Variants in SLC10A7 observed in about 807,000 individuals in gnomAD.
SLC10A7 encodes sodium/bile acid cotransporter 7.
A neutral mutation model predicts 43.2 loss-of-function variants in SLC10A7; 29 were observed. The observed-to-expected ratio is 0.67, with a 90% CI of 0.50 to 0.92. SLC10A7 has a LOEUF of 0.92. SLC10A7 is among the 40% of genes least tolerant of loss of function. The pLI is 0.00. For synonymous variants in SLC10A7, 152 were observed against 144.8 expected (o/e 1.05, Z -0.35); for missense variants, 295 against 403.2 (o/e 0.73, Z 2.30).
chr4:146,345,459 T>C (rs1734555969), intron 5 of SLC10A7, among the ~76,000 whole-genome samples: 1 of 152,148 alleles, frequency 6.6e-6, no homozygotes, highest in South Asian at 2.1e-4. Context: ...TTCCATCTTT[T>C]TCCATTCTCC....
At chr4:146,261,834 C>T (rs1254151904) in intron 10 of SLC10A7, among the ~76,000 whole-genome samples, 8 of 152,136 alleles carry the variant, frequency 5.3e-5, no homozygotes, top group African/African-American at 1.9e-4. Context: ...CTTTCATGTA[C>T]CCTCTCTATG....
chr4:146,399,733 G>C (rs975213580), intron 5 of SLC10A7, among the ~76,000 whole-genome samples: 1 of 152,138 alleles, frequency 6.6e-6, no homozygotes, highest in East Asian at 1.9e-4. Flanking sequence ...GTAACGGGGA[G>C]AGGCATTCAC....
At chr4:146,429,112 G>T (rs1157485295) in intron 5 of SLC10A7, among the ~76,000 whole-genome samples, 1 of 152,010 alleles carries the variant, frequency 6.6e-6, no homozygotes, top group African/African-American at 2.4e-5. Context: ...TCAACACTGT[G>T]AATATAAGGC....
chr4:146,514,161 T>G (rs1443018915), intron 2 of SLC10A7: 1 of 152,192 alleles, frequency 6.6e-6, no homozygotes, highest in East Asian at 1.9e-4. Flanking sequence ...ACAGCACACA[T>G]CTAAAGTTTA....
chr4:146,330,526 T>A (rs1273596075), intron 5 of SLC10A7, among the ~76,000 whole-genome samples: 5 of 152,162 alleles, frequency 3.3e-5, no homozygotes, highest in African/African-American at 1.2e-4. Flanking sequence ...TCTGTCTCCC[T>A]CACGTCCTTA....
At chr4:146,435,216 A>G (rs1242793120) in intron 5 of SLC10A7, among the ~76,000 whole-genome samples, 1 of 152,204 alleles carries the variant, frequency 6.6e-6, no homozygotes, top group African/African-American at 2.4e-5. Context: ...TAAATTGTTT[A>G]CTTGAAATCC....
chr4:146,491,992 C>T (rs1054531434), intron 4 of SLC10A7, among the ~76,000 whole-genome samples: 4 of 151,806 alleles, frequency 2.6e-5, no homozygotes, highest in Non-Finnish European at 5.9e-5. Flanking sequence ...CTGAGGCGGG[C>T]GGATCACGAG....
chr4:146,309,855 G>A (rs1004041495), intron 6 of SLC10A7, among the ~76,000 whole-genome samples: 1 of 152,092 alleles, frequency 6.6e-6, no homozygotes, highest in Non-Finnish European at 1.5e-5. Context: ...GGGTACACGT[G>A]CAAGTTTGTT....
At chr4:146,505,120 A>G (rs1037052844) in intron 3 of SLC10A7, among the ~76,000 whole-genome samples, 7 of 152,184 alleles carry the variant, frequency 4.6e-5, no homozygotes, top group African/African-American at 1.7e-4. Context: ...TAAAGGTTAC[A>G]GTTGGCCATT....
chr4:146,349,054 C>A (rs1216935519), intron 5 of SLC10A7, among the ~76,000 whole-genome samples: 1 of 152,116 alleles, frequency 6.6e-6, no homozygotes, highest in Non-Finnish European at 1.5e-5. Context: ...GCAAAACAGA[C>A]CCCAATGAAT....
intron 5 of SLC10A7, among the ~76,000 whole-genome samples, chr4:146,412,491 G>A (rs1240328124): frequency 6.6e-6 from 1 of 152,064 alleles, no homozygotes; most frequent in South Asian, 2.1e-4. Flanking sequence ...TTAAAATGAT[G>A]TTCTTCTAGC....
chr4:146,515,236 C>T (rs1737837289), intron 2 of SLC10A7: 2 of 694,780 alleles, frequency 2.9e-6, no homozygotes, highest in Non-Finnish European at 2.6e-6. Context: ...CACCAGGGGA[C>T]ATAGAGCAAC....
chr4:146,276,945 C>A (rs901803767), intron 10 of SLC10A7, among the ~76,000 whole-genome samples: 1 of 150,456 alleles, frequency 6.6e-6, no homozygotes, highest in African/African-American at 2.4e-5. Flanking sequence ...GAGTGAGACT[C>A]CATCTAAAAA....
intron 5 of SLC10A7, among the ~76,000 whole-genome samples, chr4:146,433,474 G>T (rs1729951013): frequency 1.3e-5 from 2 of 151,970 alleles, no homozygotes; most frequent in Non-Finnish European, 2.9e-5. Flanking sequence ...TTATAATTAA[G>T]ATAAAATATC....
At chr4:146,305,804 T>C in intron 7 of SLC10A7, 122 bp downstream of exon 7, 1 of 821,658 alleles carries the variant, frequency 1.2e-6, no homozygotes, top group Non-Finnish European at 1.9e-6. Context: ...GTTTTGTTTT[T>C]AGTCTCATAT....
chr4:146,496,613 G>A (rs185040300), intron 4 of SLC10A7, among the ~76,000 whole-genome samples: 1 of 152,232 alleles, frequency 6.6e-6, no homozygotes, highest in East Asian at 1.9e-4. Context: ...GCCTTGTTAA[G>A]TGCCCCAGTT....
At chr4:146,483,828 G>A (rs9992118) in intron 4 of SLC10A7, among the ~76,000 whole-genome samples, 121,115 of 152,150 alleles carry the variant, frequency 0.8, 48,624 homozygotes, top group East Asian at 0.96. Context: ...CTATACTTAT[G>A]TACTTATATC....
chr4:146,453,454 T>A (rs4835037), intron 4 of SLC10A7, among the ~76,000 whole-genome samples: 2 of 151,780 alleles, frequency 1.3e-5, no homozygotes, highest in African/African-American at 4.8e-5. Flanking sequence ...GAATGACTTC[T>A]CTGTTTCTTA....
chr4:146,356,998 C>A (rs1221827539), intron 5 of SLC10A7, among the ~76,000 whole-genome samples: 1 of 152,074 alleles, frequency 6.6e-6, no homozygotes, highest in Non-Finnish European at 1.5e-5. Flanking sequence ...ATCCTATAGC[C>A]CTATTCCTCT....
Sources: allele counts gnomAD v4.1 joint callset (sites outside exome capture counted in the v4.1 genomes callset), GRCh38; gene constraint gnomAD v4.1.1; transcripts MANE v1.5; gene names NCBI Gene and HGNC (gene_info 2026-07-23, HGNC 2026-07-21).